Variants in PALM2AKAP2 observed in about 807,000 individuals in gnomAD.
The protein encoded by PALM2AKAP2 is PALM2 and AKAP2 fusion, also known as PALM2-AKAP2 fusion protein.
PALM2AKAP2 carries 37 observed loss-of-function variants against 71.5 expected under a neutral mutation model. The observed-to-expected ratio is 0.52, with a 90% CI of 0.40 to 0.68. PALM2AKAP2 has a LOEUF of 0.68. Ranked by LOEUF, PALM2AKAP2 falls within the 30% of genes least tolerant of loss-of-function variation. PALM2AKAP2 has a pLI of 0.00. For missense variants in PALM2AKAP2, 1,224 were observed against 1,191.8 expected (o/e 1.03, Z -0.40); for synonymous variants, 468 against 478.8 (o/e 0.98, Z 0.29).
At chr9:110,001,891 T>A (rs1049466095) in intron 6 of PALM2AKAP2, among the ~76,000 whole-genome samples, 5 of 152,222 alleles carry the variant, frequency 3.3e-5, no homozygotes, top group African/African-American at 1.2e-4. Flanking sequence ...CTGAAATTGC[T>A]TATCAGCTTA....
chr9:109,770,008 C>A (rs987186237), intron 1 of PALM2AKAP2, among the ~76,000 whole-genome samples: 1 of 152,030 alleles, frequency 6.6e-6, no homozygotes, highest in African/African-American at 2.4e-5. Flanking sequence ...TGGCAGTAAC[C>A]CAAGCCCAGA....
At chr9:109,970,712 G>A (rs1397587008) in intron 6 of PALM2AKAP2, among the ~76,000 whole-genome samples, 5 of 152,136 alleles carry the variant, frequency 3.3e-5, no homozygotes, top group Non-Finnish European at 5.9e-5. Context: ...TGTCCAATTA[G>A]GATAGTAGTA....
intron 1 of PALM2AKAP2, among the ~76,000 whole-genome samples, chr9:109,792,080 T>A (rs1233317004): frequency 6.6e-6 from 1 of 152,134 alleles, no homozygotes; most frequent in Non-Finnish European, 1.5e-5. Context: ...AGTATAAAGC[T>A]ATGTGAGTTG....
At chr9:110,007,197 A>G (rs1832800845) in intron 6 of PALM2AKAP2, among the ~76,000 whole-genome samples, 1 of 152,220 alleles carries the variant, frequency 6.6e-6, no homozygotes, top group East Asian at 1.9e-4. Context: ...AGAGAGGTCA[A>G]ACTGAGGCCA....
At chr9:109,972,979 A>G (rs1283084276) in intron 6 of PALM2AKAP2, among the ~76,000 whole-genome samples, 1 of 152,206 alleles carries the variant, frequency 6.6e-6, no homozygotes, top group Non-Finnish European at 1.5e-5. Flanking sequence ...GGCTTAATAC[A>G]CATAAGCAAA....
intron 6 of PALM2AKAP2, among the ~76,000 whole-genome samples, chr9:109,948,405 G>C (rs1392530280): frequency 6.6e-6 from 1 of 152,142 alleles, no homozygotes; most frequent in Non-Finnish European, 1.5e-5. Context: ...TCGCACAAAA[G>C]AACTTGATTT....
At chr9:109,876,911 C>T (rs1829734751) in intron 2 of PALM2AKAP2, among the ~76,000 whole-genome samples, 2 of 151,998 alleles carry the variant, frequency 1.3e-5, no homozygotes, top group African/African-American at 4.8e-5. Context: ...ACCAGAGTCA[C>T]CAGGCTGCTC....
intron 1 of PALM2AKAP2, among the ~76,000 whole-genome samples, chr9:110,122,337 A>T (rs1213640260): frequency 6.6e-6 from 1 of 152,066 alleles, no homozygotes; most frequent in Admixed American, 6.6e-5. Context: ...TGGCCTTCAG[A>T]TTTTTTTCTT....
At chr9:110,112,580 C>A (rs923229871) in intron 1 of PALM2AKAP2, among the ~76,000 whole-genome samples, 1 of 152,226 alleles carries the variant, frequency 6.6e-6, no homozygotes, top group African/African-American at 2.4e-5. Flanking sequence ...CAAGCACATG[C>A]AAATAGTTCT....
chr9:110,134,146 A>G (rs140175323), intron 1 of PALM2AKAP2, among the ~76,000 whole-genome samples: 203 of 152,184 alleles, frequency 1.3e-3, no homozygotes, highest in African/African-American at 4.7e-3. Context: ...TTAGCCAGGC[A>G]TGGTAATGCC....
At chr9:109,711,532 C>T (rs947272511) in intron 1 of PALM2AKAP2, among the ~76,000 whole-genome samples, 5 of 152,204 alleles carry the variant, frequency 3.3e-5, no homozygotes, top group Admixed American at 2.6e-4. Flanking sequence ...TTCAAGACGA[C>T]ATTGGAGGGT....
chr9:109,869,560 G>C (rs564143665), intron 2 of PALM2AKAP2, among the ~76,000 whole-genome samples: 2 of 150,472 alleles, frequency 1.3e-5, no homozygotes, highest in Admixed American at 6.7e-5. Context: ...GGATAGTCTC[G>C]ATCTCCTGAC....
At chr9:110,104,490 G>A (rs1442916183) in intron 1 of PALM2AKAP2, among the ~76,000 whole-genome samples, 3 of 152,106 alleles carry the variant, frequency 2.0e-5, no homozygotes, top group African/African-American at 4.8e-5. Flanking sequence ...TGGAGACCTC[G>A]TCTTATCAAG....
intron 3 of PALM2AKAP2, among the ~76,000 whole-genome samples, chr9:109,911,411 A>G (rs1346046804): frequency 3.3e-5 from 5 of 152,194 alleles, no homozygotes; most frequent in African/African-American, 1.2e-4. Context: ...TGGAGTAAAT[A>G]CACATGAAAA....
At chr9:110,168,331 G>C (rs1836784499) in intron 3 of PALM2AKAP2, 68 bp from the exon 11 acceptor site, 5 of 1,559,748 alleles carry the variant, frequency 3.2e-6, no homozygotes, top group Non-Finnish European at 4.4e-6. Flanking sequence ...GAAAGAAACA[G>C]AGAAGTCGGT....
At chr9:109,690,006 A>G (rs1827859161) in intron 1 of PALM2AKAP2, among the ~76,000 whole-genome samples, 1 of 151,402 alleles carries the variant, frequency 6.6e-6, no homozygotes, top group Non-Finnish European at 1.5e-5. Flanking sequence ...AATGGGGAAG[A>G]GTTTTTTTTT....
chr9:109,676,157 G>A (rs546232334), intron 1 of PALM2AKAP2, among the ~76,000 whole-genome samples: 44 of 152,298 alleles, frequency 2.9e-4, no homozygotes, highest in South Asian at 2.7e-3. Context: ...ATTCCTTAAA[G>A]AGGTAGAGCA....
intron 1 of PALM2AKAP2, among the ~76,000 whole-genome samples, chr9:109,865,118 A>T (rs1829416138): frequency 5.9e-4 from 1 of 1,702 alleles, no homozygotes; most frequent in Non-Finnish European, 1.5e-3. Context: ...TTTTTTTTTG[A>T]GACAGAGTCT....
intron 1 of PALM2AKAP2, among the ~76,000 whole-genome samples, chr9:109,689,844 G>A (rs568803998): frequency 2.0e-5 from 3 of 152,216 alleles, no homozygotes; most frequent in Non-Finnish European, 4.4e-5. Flanking sequence ...GCCAACTTCC[G>A]AGAGGAAGAG....
Sources: gnomAD v4.1 joint callset for allele counts (sites outside exome capture counted in the v4.1 genomes callset) on GRCh38, gnomAD v4.1.1 for gene constraint, MANE v1.5 for transcripts, NCBI Gene and HGNC (gene_info 2026-07-23, HGNC 2026-07-21) for gene names.